Variants in SND1 observed in about 807,000 individuals in gnomAD.
SND1 encodes the protein staphylococcal nuclease domain-containing protein 1.
In SND1, 38 loss-of-function variants were observed where a neutral mutation model predicts 121.7. The observed-to-expected ratio is 0.31, with a 90% confidence interval of 0.24 to 0.41. SND1 has a LOEUF of 0.41. SND1 is among the 10% of genes least tolerant of loss of function. The pLI, the probability that SND1 is intolerant of heterozygous loss-of-function variation, is 1.00. For synonymous variants in SND1, 401 were observed against 447.4 expected (o/e 0.90, Z 1.31); for missense variants, 868 against 1,184.6 (o/e 0.73, Z 3.92).
At chr7:127,858,901 A>G (rs1250849720) in intron 12 of SND1, among the ~76,000 whole-genome samples, 1 of 152,192 alleles carries the variant, frequency 6.6e-6, no homozygotes, top group East Asian at 1.9e-4. Context: ...GTCGTCTAGA[A>G]TCTAGACTAT....
chr7:127,968,991 A>C (rs1444461277), intron 15 of SND1, among the ~76,000 whole-genome samples: 2 of 151,922 alleles, frequency 1.3e-5, no homozygotes, highest in Non-Finnish European at 2.9e-5. Context: ...TTACGACTCA[A>C]CTCCATCCAG....
intron 11 of SND1, among the ~76,000 whole-genome samples, chr7:127,808,551 A>T (rs1426540143): frequency 6.6e-6 from 1 of 152,238 alleles, no homozygotes; most frequent in African/African-American, 2.4e-5. Context: ...TTTATTGTAT[A>T]CCATAGTCAC....
chr7:127,673,931 C>G (rs1453331259), intron 1 of SND1, among the ~76,000 whole-genome samples: 3 of 152,164 alleles, frequency 2.0e-5, no homozygotes, highest in Non-Finnish European at 2.9e-5. Flanking sequence ...CTGGAATCAG[C>G]TGTTTCTTCA....
At chr7:127,973,932 G>A (rs1802057495) in intron 15 of SND1, among the ~76,000 whole-genome samples, 2 of 152,242 alleles carry the variant, frequency 1.3e-5, no homozygotes, top group African/African-American at 2.4e-5. Context: ...AAGGAAGCTT[G>A]TGTACAGCCT....
chr7:127,866,707 G>A (rs1010139978), intron 12 of SND1, among the ~76,000 whole-genome samples: 2 of 151,972 alleles, frequency 1.3e-5, no homozygotes, highest in Non-Finnish European at 2.9e-5. Flanking sequence ...CACTACCATG[G>A]CTATTTTAGA....
At chr7:127,774,780 T>C (rs11767317) in intron 10 of SND1, among the ~76,000 whole-genome samples, 23,455 of 152,118 alleles carry the variant, frequency 0.15, 1,839 homozygotes, top group South Asian at 0.24. Flanking sequence ...GGTTTTGCCA[T>C]GTTGGCCAGG....
chr7:127,685,368 T>A (rs1420813007), intron 1 of SND1, among the ~76,000 whole-genome samples: 2 of 152,196 alleles, frequency 1.3e-5, no homozygotes, highest in African/African-American at 4.8e-5. Context: ...CAGTGTTCTG[T>A]GTTGACAGAA....
intron 12 of SND1, among the ~76,000 whole-genome samples, chr7:127,874,993 A>G (rs1367423905): frequency 1.3e-5 from 2 of 152,188 alleles, no homozygotes; most frequent in African/African-American, 4.8e-5. Flanking sequence ...GAAACAGGCT[A>G]AGAATCAGAA....
At chr7:127,702,670 T>G (rs1173780621) in intron 6 of SND1, 144 bp downstream of exon 6, 1 of 668,378 alleles carries the variant, frequency 1.5e-6, no homozygotes, top group African/African-American at 1.8e-5. Flanking sequence ...TAGTTTAAAC[T>G]TTGTAGTACG....
chr7:127,971,329 C>T (rs1049447324), intron 15 of SND1, among the ~76,000 whole-genome samples: 3 of 152,166 alleles, frequency 2.0e-5, no homozygotes, highest in East Asian at 3.8e-4. Context: ...TGTGAAAAAG[C>T]ATCGTTATTC....
intron 16 of SND1, among the ~76,000 whole-genome samples, chr7:128,069,549 A>C (rs1388698503): frequency 6.6e-6 from 1 of 152,194 alleles, no homozygotes; most frequent in Admixed American, 6.5e-5. Flanking sequence ...GAAATTTCAC[A>C]GTCTGGAACA....
At chr7:127,978,531 T>C (rs912624567) in intron 15 of SND1, among the ~76,000 whole-genome samples, 12 of 151,928 alleles carry the variant, frequency 7.9e-5, no homozygotes, top group African/African-American at 2.9e-4. Context: ...TAAAATAGAA[T>C]GATCAGACGT....
chr7:127,919,849 AT>A (rs1241276210), intron 14 of SND1, among the ~76,000 whole-genome samples: 1 of 152,192 alleles, frequency 6.6e-6, no homozygotes, highest in Admixed American at 6.5e-5. Flanking sequence ...TTAATGGTGT[AT>A]TTGATATAAA....
intron 15 of SND1, among the ~76,000 whole-genome samples, chr7:127,971,605 C>A (rs960220816): frequency 6.6e-6 from 1 of 152,084 alleles, no homozygotes; most frequent in Non-Finnish European, 1.5e-5. Context: ...TTTACAAACA[C>A]CAGCCTCTCT....
intron 15 of SND1, among the ~76,000 whole-genome samples, chr7:127,985,814 C>T (rs1219895505): frequency 6.6e-6 from 1 of 152,170 alleles, no homozygotes; most frequent in Non-Finnish European, 1.5e-5. Context: ...TTTCAGTGTA[C>T]CCCGTGGACA....
intron 15 of SND1, among the ~76,000 whole-genome samples, chr7:127,938,205 T>C (rs1801102602): frequency 6.6e-6 from 1 of 152,246 alleles, no homozygotes; most frequent in Non-Finnish European, 1.5e-5. Flanking sequence ...ATTATGTTCA[T>C]GTCCGGGGAT....
chr7:127,917,914 T>G (rs1256041980), intron 14 of SND1, among the ~76,000 whole-genome samples: 1 of 152,218 alleles, frequency 6.6e-6, no homozygotes, highest in East Asian at 1.9e-4. Flanking sequence ...TCAAAATATG[T>G]AGAACAATTA....
intron 12 of SND1, among the ~76,000 whole-genome samples, chr7:127,866,625 C>T (rs1411572469): frequency 6.6e-6 from 1 of 152,080 alleles, no homozygotes; most frequent in Non-Finnish European, 1.5e-5. Context: ...GCAGGTTTTC[C>T]CCCTCTTCAA....
chr7:128,013,966 C>T (rs1584737979), intron 16 of SND1, among the ~76,000 whole-genome samples: 2 of 152,314 alleles, frequency 1.3e-5, no homozygotes, highest in African/African-American at 4.8e-5. Context: ...TCTCTCTGTG[C>T]CTTGGTTTCT....
Sources: allele counts gnomAD v4.1 joint callset (sites outside exome capture counted in the v4.1 genomes callset), GRCh38; gene constraint gnomAD v4.1.1; transcripts MANE v1.5; gene names NCBI Gene and HGNC (gene_info 2026-07-23, HGNC 2026-07-21).